The following MGST2 variants were observed in gnomAD, a reference collection of about 807,000 sequenced individuals.
The protein encoded by MGST2 is glutathione peroxidase MGST2.
A neutral mutation model predicts 16.6 loss-of-function variants in MGST2; 9 were observed. The ratio of observed to expected loss-of-function variants is 0.54; its 90% CI spans 0.33 to 0.95. MGST2 has a LOEUF of 0.95. MGST2 is among the 40% of genes least tolerant of loss of function. The probability of loss-of-function intolerance (pLI) is 0.03; values close to 1 mark genes in which losing one functional copy is unlikely to be tolerated. For missense variants in MGST2, 159 were observed against 175.1 expected, an observed-to-expected ratio of 0.91 and a Z score of 0.52; for synonymous variants, 79 against 68.0, an observed-to-expected ratio of 1.16 and a Z score of -0.79.
At chr4:139,725,052 C>G (rs1164030932) in intron 5 of MGST2, among the ~76,000 whole-genome samples, 1 of 152,202 alleles carries the variant, frequency 6.6e-6, no homozygotes, top group Non-Finnish European at 1.5e-5. Flanking sequence ...AGCCACCGCA[C>G]CCGGCCAAGG....
intron 1 of MGST2, among the ~76,000 whole-genome samples, chr4:139,674,180 G>A (rs1730846439): frequency 6.6e-6 from 1 of 152,200 alleles, no homozygotes; most frequent in African/African-American, 2.4e-5. Context: ...GCCCAAGGTG[G>A]TCAGGGCACA....
At position 139,715,533 on chromosome 4, in the gene MGST2, T is replaced by G. The variant is rs1200121932; in HGVS notation, c.*48+11337T>G. On this transcript the variant is annotated intron_variant, in intron 5 of 5. Coordinates refer to the MGST2 transcript ENST00000616265. This position sits in a 1 kb window ranked among gnomAD's most constrained non-coding sequence, Gnocchi z 4.4. ...TCTGCAGTGCACAGTGAAAGCAAGT[T>G]TATTAAGAAAGTAAAGGAATAAAAG... 6.6e-6 allele frequency among the ~76,000 whole-genome samples: 1 copy of G among 152,040 alleles called. No individual in the cohort carries two copies. Among genetic ancestry groups the G allele is most frequent in the East Asian group, 1.9e-4 (1 of 5,182 alleles).
the MGST2 span, among the ~76,000 whole-genome samples, chr4:139,752,900 G>T: frequency 1.3e-5 from 2 of 152,180 alleles, no homozygotes; most frequent in African/African-American, 4.8e-5. Flanking sequence ...ACTGGGAAGA[G>T]CTAACAGGGG....
chr4:139,734,093 C>T lies in MGST2; in HGVS notation c.*49-6119C>T, dbSNP rs576065856. Reference sequence around the variant, plus strand: ...GTGGATGAGAGACACCTACAGCCCCCGACTCTGAGGTGTATTCCAAAGTGT... The same window carrying T: ...GTGGATGAGAGACACCTACAGCCCCTGACTCTGAGGTGTATTCCAAAGTGT... On this transcript the variant is annotated intron_variant, in intron 5 of 5. Coordinates refer to the MGST2 transcript ENST00000616265. 2.2e-4 allele frequency among the ~76,000 whole-genome samples: 33 copies of T among 152,314 alleles called. No individual in the cohort carries two copies. In the East Asian group the frequency reaches 4.0e-3, roughly 19 times the overall value.
chr4:139,709,010 AAAAAAG>A (rs1389101116), downstream of MGST2, among the ~76,000 whole-genome samples: 4 of 137,766 alleles, frequency 2.9e-5, no homozygotes, highest in Non-Finnish European at 6.1e-5. Context: ...AAAAAAAAAA[AAAAAAG>A]AAAAAGAAAA....
At chr4:139,727,717 A>G (rs796992525) in intron 5 of MGST2, among the ~76,000 whole-genome samples, 8 of 152,330 alleles carry the variant, frequency 5.3e-5, no homozygotes, top group African/African-American at 1.9e-4. Flanking sequence ...CCTACTTTCA[A>G]CCTGCACTGC....
chr4:139,737,793 G>C (rs559586594), intron 5 of MGST2, among the ~76,000 whole-genome samples: 3 of 152,150 alleles, frequency 2.0e-5, no homozygotes, highest in African/African-American at 7.2e-5. Flanking sequence ...TTGGAGAGGT[G>C]TTTACAATAA....
the MGST2 span, among the ~76,000 whole-genome samples, chr4:139,750,245 GT>G: frequency 9.8e-5 from 15 of 152,296 alleles, no homozygotes; most frequent in Admixed American, 3.3e-4. Context: ...GGAAGAAGGG[GT>G]GACAATTCCC....
Position 139,716,772 on chromosome 4 carries a change from A to ATTT in MGST2, c.*48+12579_*48+12581dup, listed in dbSNP as rs529078633. ...TTTGGATTGATTCAGATAATCTTTT[A>ATTT]TTTTTGTTTTTGTTTTCTTTAAAAG... On this transcript the variant is annotated intron_variant, in intron 5 of 5. Coordinates refer to the MGST2 transcript ENST00000616265. The ATTT allele has an allele frequency of 2.6e-3, 399 of 152,584 alleles. 2 individuals are homozygous for ATTT. Among genetic ancestry groups the ATTT allele is most frequent in the African/African-American group, 9.0e-3 (374 of 41,580 alleles). The allele number at this position is 152,584 out of a possible 1,614,324, so 9.5% of individuals were successfully genotyped here. A position where few individuals can be genotyped will look rare whatever the true frequency, so the allele number is the denominator to read the frequency against.
At chr4:139,678,740 T>G in intron 2 of MGST2, 98 bp downstream of exon 2, 1 of 917,414 alleles carries the variant, frequency 1.1e-6, no homozygotes, top group Non-Finnish European at 1.8e-6. Context: ...CCTAAGTTCA[T>G]GTGCAATATC....
chr4:139,735,102 C>A lies in MGST2; in HGVS notation c.*49-5110C>A, dbSNP rs1728882397. 6.6e-6 allele frequency among the ~76,000 whole-genome samples: 1 copy of A among 152,208 alleles called. No homozygotes were observed. The highest frequency in any genetic ancestry group is 6.5e-5 in the Admixed American group (1 of 15,290). On this transcript the variant is annotated intron_variant, in intron 5 of 5. Coordinates refer to the MGST2 transcript ENST00000616265. This position sits in a 1 kb window ranked among gnomAD's most constrained non-coding sequence, Gnocchi z 5.8. ...CCCCCGCCCCGCGCGTCTGGGCGAG[C>A]GCTGCGAACGTGGAGCCAGGCAGTC... is the stretch of plus-strand genomic sequence containing the variant.
At chr4:139,681,124 C>T (rs2110829532) in intron 2 of MGST2, among the ~76,000 whole-genome samples, 1 of 152,242 alleles carries the variant, frequency 6.6e-6, no homozygotes, top group Admixed American at 6.5e-5. Context: ...TCAGGCAATC[C>T]TCCTACCTCT....
intron 5 of MGST2, among the ~76,000 whole-genome samples, chr4:139,733,069 G>T (rs1728789801): frequency 6.6e-6 from 1 of 152,178 alleles, no homozygotes; most frequent in African/African-American, 2.4e-5. Flanking sequence ...TTTGCTACCT[G>T]TTTTCCAAGC....
chr4:139,674,174 A>AGCCTGGTTTTATACATTTT (rs1730845869), intron 1 of MGST2, among the ~76,000 whole-genome samples: 1 of 152,222 alleles, frequency 6.6e-6, no homozygotes, highest in African/African-American at 2.4e-5. Flanking sequence ...ACATGTGCCC[A>AGCCTGGTTTTATACATTTT]AGGTGGTCAG....
intron 2 of MGST2, among the ~76,000 whole-genome samples, chr4:139,679,384 T>A (rs914226904): frequency 6.6e-6 from 1 of 152,242 alleles, no homozygotes; most frequent in Admixed American, 6.5e-5. Flanking sequence ...CTGGTTCTTG[T>A]CTCATTTTGA....
intron 5 of MGST2, chr4:139,730,958 C>T: frequency 4.7e-6 from 2 of 421,806 alleles, no homozygotes; most frequent in Non-Finnish European, 8.6e-6. Context: ...GGATTTTCAA[C>T]TAACATCCTG....
Position 139,735,056 on chromosome 4 carries a change from C to A in MGST2, c.*49-5156C>A, listed in dbSNP as rs992217371. Among the ~76,000 whole-genome samples the A allele has an allele frequency of 3.9e-5, 6 of 152,178 alleles. No individual in the cohort carries two copies. Among genetic ancestry groups the A allele is most frequent in the Non-Finnish European group, 5.9e-5 (4 of 68,012 alleles). ...CCCCTCGCAGATGGCTTAATCAGGG[C>A]TCCCGCCCGCCCCTCCGCGGCCCCC... On this transcript the variant is annotated intron_variant, in intron 5 of 5. Transcript: ENST00000616265. This position sits in a 1 kb window ranked among gnomAD's most constrained non-coding sequence, Gnocchi z 5.8.
intron 5 of MGST2, among the ~76,000 whole-genome samples, chr4:139,723,519 T>G (rs2110966000): frequency 6.6e-6 from 1 of 151,964 alleles, no homozygotes; most frequent in Admixed American, 6.6e-5. Flanking sequence ...TCCATGTTGG[T>G]CAGGCTGGTC....
chr4:139,737,198 T>C (rs76326981), intron 5 of MGST2, among the ~76,000 whole-genome samples: 2,169 of 152,248 alleles, frequency 0.014, 52 homozygotes, highest in African/African-American at 0.048. Flanking sequence ...TTGAGGAAAG[T>C]TCCCTCTGAT....
Sources: allele counts gnomAD v4.1 joint callset (sites outside exome capture counted in the v4.1 genomes callset), GRCh38; gene constraint gnomAD v4.1.1; non-coding constraint Gnocchi (gnomAD v3.1); transcripts MANE v1.5; gene names NCBI Gene and HGNC (gene_info 2026-07-23, HGNC 2026-07-21).